Variants in REEP3 observed in about 807,000 individuals in gnomAD.
REEP3 encodes receptor expression-enhancing protein 3.
A neutral mutation model predicts 41.3 loss-of-function variants in REEP3; 20 were observed. The ratio of observed to expected loss-of-function variants is 0.48; its 90% CI spans 0.34 to 0.70. The LOEUF (loss-of-function observed/expected upper bound fraction) is 0.70. REEP3 is among the 30% of genes least tolerant of loss of function. The probability of loss-of-function intolerance (pLI) is 0.01; values close to 1 mark genes in which losing one functional copy is unlikely to be tolerated. For synonymous variants in REEP3, 104 were observed against 101.8 expected (o/e 1.02, Z -0.13); for missense variants, 271 against 308.8 (o/e 0.88, Z 0.92).
At chr10:63,552,269 G>T (rs1159746358) in intron 1 of REEP3, among the ~76,000 whole-genome samples, 1 of 152,040 alleles carries the variant, frequency 6.6e-6, no homozygotes, top group East Asian at 1.9e-4. Context: ...AAATTAGCTG[G>T]GTGTGGTGGC....
At chr10:63,565,539 T>A (rs1308322024) in intron 1 of REEP3, among the ~76,000 whole-genome samples, 1 of 152,206 alleles carries the variant, frequency 6.6e-6, no homozygotes, top group Non-Finnish European at 1.5e-5. Context: ...GTATCAAGAA[T>A]TGCCTTACAA....
At chr10:63,562,842 T>G (rs1035495471) in intron 1 of REEP3, 8 of 441,768 alleles carry the variant, frequency 1.8e-5, no homozygotes, top group Admixed American at 1.5e-4. Flanking sequence ...ATATGTGTTA[T>G]GGGCTGAATT....
In REEP3 at chr10:63,610,331, G is replaced by T. The variant is rs1341962544; in HGVS notation, c.562G>T (p.Ala188Ser). Residue 188 changes from alanine (A) to serine (S), a missense_variant, in exon 6 of 8, where the codon GCA (alanine) becomes TCA (serine). By Grantham distance (99) the Ala-to-Ser change is moderately conservative. Transcript: ENST00000373758. ...AAGTAAACCAGCCCCCAGTGAATCAGCAGGTGTGCTTGTGTGTTTTAATAT... is the reference window on the plus strand; with the variant it reads ...AAGTAAACCAGCCCCCAGTGAATCATCAGGTGTGCTTGTGTGTTTTAATAT... The part of the protein sequence containing the change: ...KKSKPAPSES[A>S]GYGIPLKDGD... 2 of 1,553,178 alleles carry T rather than the reference G, an allele frequency of 1.3e-6. No homozygotes were observed. The highest frequency in any genetic ancestry group is 8.7e-7 in the Non-Finnish European group (1 of 1,147,580).
chr10:63,589,596 T>C (rs1956039154), intron 2 of REEP3, among the ~76,000 whole-genome samples: 1 of 152,080 alleles, frequency 6.6e-6, no homozygotes, highest in Non-Finnish European at 1.5e-5. Context: ...CCCTACCTCC[T>C]TCTCACCTAG....
In REEP3 at chr10:63,623,876, A is replaced by G. The variant is rs529495591; in HGVS notation, c.*3007A>G. The stretch of plus-strand genomic sequence containing the variant: ...CACTGATTGATGGGACAAAATGATT[A>G]AAGTATTTTCAGGGATCTTATTCCA... On this transcript the variant is annotated 3_prime_UTR_variant, in exon 8 of 8. Transcript: ENST00000373758. 1 of 154,252 alleles carries G rather than the reference A, an allele frequency of 6.5e-6. No homozygotes were observed. Among genetic ancestry groups the G allele is most frequent in the East Asian group, 1.9e-4 (1 of 5,182 alleles). The allele number at this position is 154,252 out of a possible 1,614,324, so 9.6% of individuals were successfully genotyped here.
intron 3 of REEP3, among the ~76,000 whole-genome samples, chr10:63,595,526 C>A (rs1039385929): frequency 6.6e-5 from 10 of 152,138 alleles, no homozygotes; most frequent in Non-Finnish European, 1.5e-4. Context: ...TCTTCATCTG[C>A]CCTTGACGCA....
chr10:63,591,092 C>A (rs1360778531), intron 2 of REEP3, among the ~76,000 whole-genome samples: 1 of 148,496 alleles, frequency 6.7e-6, no homozygotes, highest in Non-Finnish European at 1.5e-5. Flanking sequence ...TTTCCTTTAT[C>A]TTCACATACA....
intron 2 of REEP3, among the ~76,000 whole-genome samples, chr10:63,586,860 G>C (rs774927954): frequency 2.6e-5 from 4 of 151,968 alleles, no homozygotes; most frequent in Non-Finnish European, 5.9e-5. Flanking sequence ...GTATTTTTGA[G>C]CTTCTGTTTT....
intron 1 of REEP3, among the ~76,000 whole-genome samples, chr10:63,558,635 A>G (rs1201261699): frequency 1.3e-5 from 2 of 152,114 alleles, no homozygotes; most frequent in African/African-American, 4.8e-5. Flanking sequence ...AAAAAAATAC[A>G]AAAATTAGCC....
chr10:63,620,859 T>G lies in REEP3; in HGVS notation c.758T>G (p.Val253Gly), dbSNP rs1474038509. The change falls in exon 8 of 8, where the codon GTG (valine) becomes GGG (glycine). Residue 253 changes from valine (V) to glycine (G), a missense_variant. By Grantham distance (109) the Val-to-Gly change is moderately radical. Transcript: ENST00000373758. ...TACAAAGTGAAGAAACGACCACAAG[T>G]GTATTTTTAGTCATCTACACGTCAA... ...LKYKVKKRPQVYF is the reference protein window; with the variant it reads ...LKYKVKKRPQGYF 1 of 1,606,750 alleles carries G rather than the reference T, an allele frequency of 6.2e-7. No homozygotes were observed. Among genetic ancestry groups the G allele is most frequent in the Non-Finnish European group, 8.5e-7 (1 of 1,174,954 alleles).
chr10:63,599,361 A>T, intron 5 of REEP3, 78 bp downstream of exon 5: 1 of 579,358 alleles, frequency 1.7e-6, no homozygotes, highest in East Asian at 3.5e-5. Context: ...TCAAACCATT[A>T]TAAAATTGTG....
Position 63,564,589 on chromosome 10 carries a change from C to G in REEP3, c.33-1749C>G, listed in dbSNP as rs967677033. Among the ~76,000 whole-genome samples the G allele has an allele frequency of 1.3e-3, 203 of 151,786 alleles. 1 individual carries two copies. Among genetic ancestry groups the G allele is most frequent in the Non-Finnish European group, 2.4e-3 (162 of 67,952 alleles). ...AGTGAGCCGATGTCACACCACTGCA[C>G]TCCAGTCTGGGCGACGGCGAGACCC... On this transcript the variant is annotated intron_variant, in intron 1 of 7. Transcript: ENST00000373758.
intron 1 of REEP3, among the ~76,000 whole-genome samples, chr10:63,560,124 C>A (rs1172645428): frequency 6.6e-6 from 1 of 151,982 alleles, no homozygotes; most frequent in African/African-American, 2.4e-5. Context: ...AAAGGGGGCT[C>A]ACTGTTAATA....
intron 1 of REEP3, among the ~76,000 whole-genome samples, chr10:63,547,350 C>T (rs1373960082): frequency 6.6e-6 from 1 of 152,134 alleles, no homozygotes; most frequent in East Asian, 1.9e-4. Context: ...TCATCAAAGA[C>T]ACCATTGAGA....
chr10:63,540,157 G>A (rs1955515960), intron 1 of REEP3, among the ~76,000 whole-genome samples: 1 of 152,264 alleles, frequency 6.6e-6, no homozygotes, highest in Middle Eastern at 3.4e-3. Flanking sequence ...TTTTAAGATT[G>A]AATTACAGAA....
intron 2 of REEP3, among the ~76,000 whole-genome samples, chr10:63,579,051 G>GA (rs398013818): frequency 1.3e-5 from 2 of 148,374 alleles, no homozygotes; most frequent in Non-Finnish European, 3.0e-5. Flanking sequence ...TGGGGGGGGG[G>GA]AGATGGAGTC....
At chr10:63,557,183 C>G (rs1955695682) in intron 1 of REEP3, among the ~76,000 whole-genome samples, 2 of 152,106 alleles carry the variant, frequency 1.3e-5, no homozygotes, top group Admixed American at 6.5e-5. Flanking sequence ...AAAGTACTGC[C>G]TACAATAGCC....
chr10:63,598,177 T>A, intron 4 of REEP3, 33 bp downstream of exon 4: 1 of 1,495,872 alleles, frequency 6.7e-7, no homozygotes, highest in Non-Finnish European at 9.1e-7. Flanking sequence ...GTAAATAATT[T>A]TTTAGAAATG....
intron 1 of REEP3, among the ~76,000 whole-genome samples, chr10:63,548,524 T>A (rs1955599187): frequency 6.6e-6 from 1 of 152,226 alleles, no homozygotes; most frequent in Non-Finnish European, 1.5e-5. Flanking sequence ...ATTTACATAA[T>A]TCACATCAAG....
Sources: gnomAD v4.1 joint callset for allele counts (sites outside exome capture counted in the v4.1 genomes callset) on GRCh38, gnomAD v4.1.1 for gene constraint, MANE v1.5 for transcripts, NCBI Gene and HGNC (gene_info 2026-07-23, HGNC 2026-07-21) for gene names.